ACSM3: variants seen among roughly 807,000 people sequenced by gnomAD.
ACSM3 encodes the protein acyl-coenzyme A synthetase ACSM3, mitochondrial.
In ACSM3, 61 loss-of-function variants were observed where a neutral mutation model predicts 74.1. The observed-to-expected ratio is 0.82, with a 90% CI of 0.67 to 1.02. The LOEUF (loss-of-function observed/expected upper bound fraction) is 1.02, where lower values mean the gene tolerates loss of function less well. Ranked by LOEUF, ACSM3 falls within the 50% of genes least tolerant of loss-of-function variation. The pLI, the probability that ACSM3 is intolerant of heterozygous loss-of-function variation, is 0.00. For synonymous variants in ACSM3, 213 were observed against 241.5 expected (o/e 0.88, Z 1.09); for missense variants, 660 against 697.0 (o/e 0.95, Z 0.60).
intron 1 of ACSM3, chr16:20,733,686 T>C (rs887051356): frequency 5.3e-5 from 8 of 151,210 alleles, no homozygotes; most frequent in African/African-American, 2.0e-4. Flanking sequence ...AAATTTATTT[T>C]GATTTTTCTG....
chr16:20,764,448 T>G (rs777707893), intron 1 of ACSM3, among the ~76,000 whole-genome samples: 8 of 152,146 alleles, frequency 5.3e-5, no homozygotes, highest in Non-Finnish European at 1.0e-4. Context: ...CCAGATGCGG[T>G]GGCTCAAGCC....
In ACSM3 at chr16:20,754,232, G is replaced by A. The variant is rs79993229; in HGVS notation, c.-95-1341G>A. Among the ~76,000 whole-genome samples, 1,008 of 152,294 alleles carry A rather than the reference G, an allele frequency of 6.6e-3. 18 individuals are homozygous for A. Among genetic ancestry groups the A allele is most frequent in the African/African-American group, 0.023 (948 of 41,560 alleles). Reference sequence around the variant, plus strand: ...CTAGTTTAGAGAAACAGGGGAAGGAGTGAAACAGTTATCTCCAAGTGTAGA... The same window carrying A: ...CTAGTTTAGAGAAACAGGGGAAGGAATGAAACAGTTATCTCCAAGTGTAGA... On this transcript the variant is annotated intron_variant, in intron 2 of 3. Coordinates refer to the ACSM3 transcript ENST00000561584.
chr16:20,790,792 T>A lies in ACSM3; in HGVS notation c.1326+104T>A. On this transcript the variant is annotated intron_variant, in intron 10 of 13. Coordinates refer to ENST00000289416, the MANE Select transcript of ACSM3 (RefSeq NM_005622.4). The surrounding 1 kb of genome is among the most constrained non-coding windows in gnomAD (Gnocchi z 4.0). ...TACCTAGGATAGGTACTTGACCCTT[T>A]CTTGAGAGATTGGTTGTCCTGAATA... The A allele has an allele frequency of 6.2e-7, 1 of 1,613,384 alleles. No individual in the cohort carries two copies. The highest frequency in any genetic ancestry group is 1.7e-5 in the Admixed American group (1 of 59,930).
At chr16:20,737,756 G>A (rs1035131044) in intron 1 of ACSM3, 7 of 1,613,416 alleles carry the variant, frequency 4.3e-6, no homozygotes, top group South Asian at 2.2e-5. Flanking sequence ...CTGTTATTTC[G>A]AGATTTGTAC....
intron 1 of ACSM3, among the ~76,000 whole-genome samples, chr16:20,691,671 T>A (rs2079653416): frequency 6.6e-6 from 1 of 151,968 alleles, no homozygotes; most frequent in African/African-American, 2.4e-5. Context: ...ATCCCATGAC[T>A]AAAGTTGATT....
chr16:20,751,518 A>G (rs4636896), intron 2 of ACSM3, among the ~76,000 whole-genome samples: 9,992 of 152,296 alleles, frequency 0.066, 803 homozygotes, highest in African/African-American at 0.19. Context: ...GAAACTGGGA[A>G]AATATTCCAG....
rs59557368 is a variant in ACSM3, at chr16:20,765,914, C to T, written c.-52+1789C>T. Among the ~76,000 whole-genome samples, 676 of 152,298 alleles carry T rather than the reference C, an allele frequency of 4.4e-3. 6 individuals are homozygous for T. Among genetic ancestry groups the T allele is most frequent in the African/African-American group, 0.015 (625 of 41,574 alleles). On this transcript the variant is annotated intron_variant, in intron 1 of 13. Transcript: ENST00000289416. ...TCCCATTACTCTCTTTGTTTTCTTG[C>T]GTAACATCACATTTATTTATTCCCT...
chr16:20,742,029 C>G, intron 1 of ACSM3: 2 of 1,439,422 alleles, frequency 1.4e-6, no homozygotes, highest in Admixed American at 2.3e-5. Flanking sequence ...TCCTCAAGCC[C>G]TTGAAGCTGG....
intron 1 of ACSM3, chr16:20,735,024 A>G (rs1431533079): frequency 6.6e-6 from 1 of 152,208 alleles, no homozygotes; most frequent in Non-Finnish European, 1.5e-5. Flanking sequence ...CTTTATTTTC[A>G]AGGCCAAGTG....
intron 1 of ACSM3, chr16:20,741,478 C>CCGGGGGG: frequency 7.5e-7 from 1 of 1,336,932 alleles, no homozygotes; most frequent in Non-Finnish European, 9.7e-7. Context: ...GGCCTGGCAG[C>CCGGGGGG]CGGCCCGCCC....
intron 1 of ACSM3, chr16:20,736,052 TA>T (rs1471679702): frequency 6.6e-6 from 1 of 152,232 alleles, no homozygotes; most frequent in Non-Finnish European, 1.5e-5. Flanking sequence ...AAATAATGAA[TA>T]TCCTTTCTTG....
chr16:20,723,957 T>G (rs1410781428), intron 1 of ACSM3, among the ~76,000 whole-genome samples: 2 of 152,258 alleles, frequency 1.3e-5, no homozygotes, highest in African/African-American at 2.4e-5. Context: ...TCCTTGCCCA[T>G]GCCTATGTCC....
chr16:20,701,430 T>C (rs1261342592), intron 1 of ACSM3, among the ~76,000 whole-genome samples: 2 of 152,160 alleles, frequency 1.3e-5, no homozygotes, highest in Non-Finnish European at 2.9e-5. Flanking sequence ...CGGAAGACAC[T>C]TGACAATGTC....
chr16:20,699,162 T>C (rs1178939244), intron 1 of ACSM3, among the ~76,000 whole-genome samples: 1 of 152,160 alleles, frequency 6.6e-6, no homozygotes, highest in Non-Finnish European at 1.5e-5. Flanking sequence ...TTGCATGGGA[T>C]CATTGAAAGG....
intron 1 of ACSM3, among the ~76,000 whole-genome samples, chr16:20,688,420 T>G (rs2079592718): frequency 1.3e-5 from 2 of 152,132 alleles, no homozygotes; most frequent in Middle Eastern, 3.2e-3. Context: ...TCCCCAAATT[T>G]GAGACAATGC....
intron 1 of ACSM3, among the ~76,000 whole-genome samples, chr16:20,675,882 G>A (rs572736060): frequency 6.6e-6 from 1 of 152,320 alleles, no homozygotes; most frequent in African/African-American, 2.4e-5. Context: ...GGAGTTAAAG[G>A]TAAAGTCACA....
chr16:20,727,362 C>T (rs1287523617), intron 1 of ACSM3: 19 of 588,646 alleles, frequency 3.2e-5, no homozygotes, highest in African/African-American at 5.7e-5. Flanking sequence ...CAAGAGGCTG[C>T]GGCACTGCTT....
chr16:20,677,776 C>T (rs73530566), intron 1 of ACSM3, among the ~76,000 whole-genome samples: 1 of 152,094 alleles, frequency 6.6e-6, no homozygotes, highest in Admixed American at 6.5e-5. Flanking sequence ...CTGACAAGAG[C>T]TCTCTGGCTA....
chr16:20,737,655 A>G, intron 1 of ACSM3: 1 of 1,532,592 alleles, frequency 6.5e-7, no homozygotes. Context: ...AAATCCTTAA[A>G]AAACAAGTAT....
Sources: allele counts gnomAD v4.1 joint callset (sites outside exome capture counted in the v4.1 genomes callset), GRCh38; gene constraint gnomAD v4.1.1; non-coding constraint Gnocchi (gnomAD v3.1); transcripts MANE v1.5; gene names NCBI Gene and HGNC (gene_info 2026-07-23, HGNC 2026-07-21).